Variants in OPCML observed in about 807,000 individuals in gnomAD.
The protein encoded by OPCML is opioid-binding protein/cell adhesion molecule.
Under a neutral mutation model 37.8 loss-of-function variants are expected in OPCML, and 13 were observed. That is an observed-to-expected ratio of 0.34 (90% CI 0.22 to 0.55). OPCML has a LOEUF of 0.55. Among genes scored for constraint, OPCML ranks in the 20% least tolerant of loss-of-function variants. The pLI is 0.91. For missense variants in OPCML, 341 were observed against 435.6 expected, an observed-to-expected ratio of 0.78 and a Z score of 1.93; for synonymous variants, 176 against 168.8, an observed-to-expected ratio of 1.04 and a Z score of -0.33.
At chr11:133,028,742 C>CA (rs1947611642) in intron 1 of OPCML, among the ~76,000 whole-genome samples, 1 of 151,944 alleles carries the variant, frequency 6.6e-6, no homozygotes, top group South Asian at 2.1e-4. Flanking sequence ...GGTAAGACTT[C>CA]AAAATATAAA....
At chr11:132,648,812 G>A (rs1376070399) in intron 3 of OPCML, among the ~76,000 whole-genome samples, 13 of 152,140 alleles carry the variant, frequency 8.5e-5, no homozygotes, top group South Asian at 6.2e-4. Flanking sequence ...GGGTCCACCC[G>A]TGATTTGTTC....
chr11:132,603,021 C>T (rs1938029981), intron 3 of OPCML, among the ~76,000 whole-genome samples: 1 of 152,210 alleles, frequency 6.6e-6, no homozygotes, highest in African/African-American at 2.4e-5. Flanking sequence ...TCTTAGGCTT[C>T]TGCGTTTTCC....
intron 3 of OPCML, among the ~76,000 whole-genome samples, chr11:132,577,478 T>C (rs530098855): frequency 7.9e-5 from 12 of 152,298 alleles, no homozygotes; most frequent in African/African-American, 2.9e-4. Context: ...AACATATACA[T>C]AGGAGATTGG....
chr11:133,268,711 G>A (rs1310759708), intron 1 of OPCML, among the ~76,000 whole-genome samples: 1 of 152,148 alleles, frequency 6.6e-6, no homozygotes. Flanking sequence ...TTAGTACTGA[G>A]CAAGTTAAAT....
chr11:132,493,105 C>T (rs1296429931), intron 4 of OPCML, among the ~76,000 whole-genome samples: 2 of 152,138 alleles, frequency 1.3e-5, no homozygotes, highest in East Asian at 1.9e-4. Flanking sequence ...ATTTCATGTC[C>T]GTCTTTTTCT....
At chr11:133,260,424 G>C (rs1344488365) in intron 1 of OPCML, among the ~76,000 whole-genome samples, 2 of 152,080 alleles carry the variant, frequency 1.3e-5, no homozygotes, top group Non-Finnish European at 2.9e-5. Flanking sequence ...ATCCAGGCAG[G>C]GTGGCTTGGA....
intron 4 of OPCML, among the ~76,000 whole-genome samples, chr11:132,511,631 C>G (rs1477202806): frequency 2.0e-5 from 3 of 149,024 alleles, no homozygotes; most frequent in Non-Finnish European, 4.5e-5. Flanking sequence ...AACAAAGAAA[C>G]TAAGGTAATT....
chr11:133,331,195 G>A (rs138142030), intron 1 of OPCML, among the ~76,000 whole-genome samples: 117 of 152,314 alleles, frequency 7.7e-4, no homozygotes, highest in African/African-American at 2.5e-3. Flanking sequence ...GAGTGGCCCC[G>A]TAGAGTCAGA....
intron 3 of OPCML, among the ~76,000 whole-genome samples, chr11:132,535,321 T>C (rs1591519408): frequency 1.3e-5 from 2 of 152,176 alleles, no homozygotes; most frequent in Non-Finnish European, 2.9e-5. Context: ...AAATTGGCTT[T>C]TAAAATGTTT....
intron 2 of OPCML, among the ~76,000 whole-genome samples, chr11:132,852,034 C>T (rs909426362): frequency 8.5e-5 from 13 of 152,134 alleles, no homozygotes; most frequent in African/African-American, 3.1e-4. Context: ...AGCTGTAACT[C>T]CCAGGTGAAA....
At chr11:132,897,329 C>A (rs1943889292) in intron 2 of OPCML, among the ~76,000 whole-genome samples, 1 of 152,146 alleles carries the variant, frequency 6.6e-6, no homozygotes, top group South Asian at 2.1e-4. Flanking sequence ...CATGGGCCAC[C>A]AATTACCAGG....
intron 1 of OPCML, among the ~76,000 whole-genome samples, chr11:133,295,747 T>C (rs964091489): frequency 2.6e-5 from 4 of 152,248 alleles, no homozygotes; most frequent in East Asian, 1.9e-4. Context: ...TTGTAGATAA[T>C]TGATAGCAAT....
At chr11:133,351,157 C>G (rs1238385887) in intron 1 of OPCML, among the ~76,000 whole-genome samples, 1 of 152,166 alleles carries the variant, frequency 6.6e-6, no homozygotes, top group African/African-American at 2.4e-5. Context: ...TTAGGAACAG[C>G]AAATGGCCTT....
intron 1 of OPCML, among the ~76,000 whole-genome samples, chr11:133,222,556 A>G (rs1939882188): frequency 1.3e-5 from 2 of 152,184 alleles, no homozygotes; most frequent in South Asian, 4.1e-4. Context: ...TACAGTCATC[A>G]GGCTGTGTTT....
At chr11:132,938,853 A>G (rs1385766515) in intron 2 of OPCML, among the ~76,000 whole-genome samples, 1 of 152,184 alleles carries the variant, frequency 6.6e-6, no homozygotes, top group African/African-American at 2.4e-5. Context: ...CAGTGTTCTC[A>G]ATCCTGGCTC....
chr11:132,901,195 A>G (rs1944049241), intron 2 of OPCML, among the ~76,000 whole-genome samples: 1 of 151,932 alleles, frequency 6.6e-6, no homozygotes, highest in African/African-American at 2.4e-5. Context: ...AAATAAATAA[A>G]TAAATAATAA....
At chr11:132,901,423 T>C (rs1458326823) in intron 2 of OPCML, among the ~76,000 whole-genome samples, 1 of 152,192 alleles carries the variant, frequency 6.6e-6, no homozygotes, top group Non-Finnish European at 1.5e-5. Flanking sequence ...GGAAAATAAC[T>C]GTTTCACAAA....
chr11:133,083,397 CG>C, intron 1 of OPCML, among the ~76,000 whole-genome samples: 1 of 152,256 alleles, frequency 6.6e-6, no homozygotes, highest in South Asian at 2.1e-4. Flanking sequence ...GCCCCTGTCT[CG>C]GGTCGCTGGC....
At chr11:133,103,073 C>T (rs767532586) in intron 1 of OPCML, among the ~76,000 whole-genome samples, 1 of 152,182 alleles carries the variant, frequency 6.6e-6, no homozygotes, top group Non-Finnish European at 1.5e-5. Flanking sequence ...CAATGAAAAT[C>T]AATTTTACAT....
Sources: gnomAD v4.1 joint callset for allele counts (sites outside exome capture counted in the v4.1 genomes callset) on GRCh38, gnomAD v4.1.1 for gene constraint, MANE v1.5 for transcripts, NCBI Gene and HGNC (gene_info 2026-07-23, HGNC 2026-07-21) for gene names.